Variants in HMCN2 observed in about 807,000 individuals in gnomAD.
HMCN2 encodes hemicentin 2.
A neutral mutation model predicts 377.5 loss-of-function variants in HMCN2; 325 were observed. The ratio of observed to expected loss-of-function variants is 0.86; its 90% CI spans 0.79 to 0.94. HMCN2 has a LOEUF of 0.94. Ranked by LOEUF, HMCN2 falls within the 40% of genes least tolerant of loss-of-function variation. The probability of loss-of-function intolerance (pLI) is 0.00; values close to 1 mark genes in which losing one functional copy is unlikely to be tolerated. For synonymous variants in HMCN2, 2,007 were observed against 2,046.8 expected (o/e 0.98, Z 0.53); for missense variants, 4,543 against 4,725.3 (o/e 0.96, Z 1.13).
At chr9:130,430,165 A>G in intron 94 of HMCN2, 119 bp from the exon 95 acceptor site, 5 of 834,526 alleles carry the variant, frequency 6.0e-6, no homozygotes, top group Non-Finnish European at 9.2e-6. Flanking sequence ...CACATGCAGC[A>G]TGGGAGTGGC....
At chr9:130,317,018 T>C (rs1275122990) in intron 15 of HMCN2, among the ~76,000 whole-genome samples, 11 of 151,510 alleles carry the variant, frequency 7.3e-5, no homozygotes, top group Admixed American at 1.3e-4. Context: ...ACCCATGGAG[T>C]CACAGTTGTC....
chr9:130,416,100 A>ATTTTTTTTT (rs34382467), intron 85 of HMCN2, among the ~76,000 whole-genome samples: 3 of 130,738 alleles, frequency 2.3e-5, no homozygotes, highest in Non-Finnish European at 3.2e-5. Flanking sequence ...TAGAGGCTTT[A>ATTTTTTTTT]TTTTTTTTTT....
intron 86 of HMCN2, among the ~76,000 whole-genome samples, chr9:130,421,935 C>T (rs1355374994): frequency 6.6e-6 from 1 of 152,220 alleles, no homozygotes. Context: ...GTCTCTCGCC[C>T]CCTGGAATGC....
chr9:130,418,799 A>G lies in HMCN2; in HGVS notation c.12989A>G (p.Gln4330Arg), dbSNP rs1843825752. Residue 4330 changes from glutamine (Q) to arginine (R), a missense_variant, in exon 86 of 98, where the codon CAG becomes CGG. Transcript: ENST00000683500. ...QSAPVFQVEP[Q>R]DMTVRSGDDV... ...GCTCCGGTGTTCCAGGTGGAGCCCC[A>G]GGACATGACAGTGAGATCTGGGGAT... The G allele has an allele frequency of 2.7e-6, 4 of 1,467,988 alleles. No individual in the cohort carries two copies. 90.9% of individuals were successfully genotyped at this position (1,467,988 alleles called of 1,614,324 possible).
rs1265329064 is a variant in HMCN2, at chr9:130,384,534, G to C, written c.8992G>C (p.Gly2998Arg). ...SLGEEVFLLP[G>R]THTLQLGRAR... The stretch of plus-strand genomic sequence containing the variant: ...GGGTGAAGAGGTCTTCCTCCTGCCT[G>C]GTGGGTAAACTGAGGTGTCCGGCCC... Residue 2998 changes from glycine to arginine, a missense_variant and splice_region_variant, in exon 58 of 98, where the codon GGC (glycine) becomes CGC (arginine). By Grantham distance (125) the Gly-to-Arg change is moderately radical (BLOSUM62 -2). Transcript: ENST00000683500. The C allele has an allele frequency of 1.5e-6, 2 of 1,304,256 alleles. No homozygotes were observed. The highest frequency in any genetic ancestry group is 2.0e-6 in the Non-Finnish European group (2 of 988,954). The allele number at this position is 1,304,256 out of a possible 1,614,324, so 80.8% of individuals were successfully genotyped here. A position where few individuals can be genotyped will look rare whatever the true frequency, so the allele number is the denominator to read the frequency against.
intron 85 of HMCN2, among the ~76,000 whole-genome samples, chr9:130,412,882 A>T (rs891006659): frequency 1.3e-5 from 2 of 151,988 alleles, no homozygotes; most frequent in African/African-American, 4.8e-5. Flanking sequence ...ACATTTTCTT[A>T]TACGATTTTT....
chr9:130,364,173 G>A (rs1840563806), intron 40 of HMCN2, among the ~76,000 whole-genome samples: 1 of 152,170 alleles, frequency 6.6e-6, no homozygotes, highest in Non-Finnish European at 1.5e-5. Flanking sequence ...GGCCCCATCA[G>A]GTGGGGATTT....
intron 85 of HMCN2, among the ~76,000 whole-genome samples, chr9:130,416,197 C>T (rs1346575858): frequency 6.6e-6 from 1 of 151,504 alleles, no homozygotes; most frequent in Non-Finnish European, 1.5e-5. Flanking sequence ...CTCCACCTCC[C>T]AGGTTCAAGA....
chr9:130,405,134 C>T (rs996417962), intron 81 of HMCN2, 75 bp downstream of exon 81: 9 of 1,023,044 alleles, frequency 8.8e-6, no homozygotes, highest in Non-Finnish European at 1.1e-5. Context: ...GCGCTGAGCA[C>T]TATGCAGCCT....
At chr9:130,403,386 G>GC in intron 79 of HMCN2, 58 bp downstream of exon 79, 1 of 1,282,074 alleles carries the variant, frequency 7.8e-7, no homozygotes, top group East Asian at 5.6e-5. Flanking sequence ...GTCTGGGCAG[G>GC]GGGGGAGTCC....
At chr9:130,371,201 A>G in intron 46 of HMCN2, 70 bp downstream of exon 46, 1 of 881,846 alleles carries the variant, frequency 1.1e-6, no homozygotes. Flanking sequence ...TATCCATTAC[A>G]TGCCCATGAC....
intron 25 of HMCN2, among the ~76,000 whole-genome samples, chr9:130,346,942 ACCCTAGGAGGCTGTATGGATGGG>A (rs1341935575): frequency 6.6e-6 from 1 of 151,360 alleles, no homozygotes; most frequent in Admixed American, 6.6e-5. Flanking sequence ...TCCCTCAGGG[ACCCTAGGAGGCTGTATGGATGGG>A]CAGTGTGGGT....
intron 22 of HMCN2, among the ~76,000 whole-genome samples, chr9:130,334,549 GTTTTTT>G (rs1192246439): frequency 1.2e-4 from 12 of 99,076 alleles, no homozygotes; most frequent in African/African-American, 4.2e-4. Flanking sequence ...ACTTTTGGAA[GTTTTTT>G]TTTTTTTTTT....
rs183979939 is a variant in HMCN2, at chr9:130,383,993, C to T, written c.8831-380C>T. On this transcript the variant is annotated intron_variant, in intron 57 of 97. Transcript: ENST00000683500. The stretch of plus-strand genomic sequence containing the variant: ...TGGGATTGGGGGGGTCTCACTGTCC[C>T]GGAGCCTGCACTCCTAACCTCTGCA... 2.4e-3 allele frequency among the ~76,000 whole-genome samples: 365 copies of T among 152,218 alleles called. 2 individuals carry two copies. Among genetic ancestry groups the T allele is most frequent in the Non-Finnish European group, 3.5e-3 (240 of 68,028 alleles).
At chr9:130,336,936 G>T (rs930798346) in intron 22 of HMCN2, among the ~76,000 whole-genome samples, 1 of 152,098 alleles carries the variant, frequency 6.6e-6, no homozygotes, top group African/African-American at 2.4e-5. Context: ...TTGAAGCTCA[G>T]CAGAAAGCAA....
At chr9:130,405,154 G>A in intron 81 of HMCN2, 95 bp downstream of exon 81, 4 of 835,540 alleles carry the variant, frequency 4.8e-6, no homozygotes, top group Non-Finnish European at 4.6e-6. Flanking sequence ...TTTAACCCTG[G>A]GAGCCTGGGG....
At chr9:130,336,696 G>T (rs1197080948) in intron 22 of HMCN2, among the ~76,000 whole-genome samples, 4 of 152,164 alleles carry the variant, frequency 2.6e-5, no homozygotes, top group Non-Finnish European at 4.4e-5. Context: ...AGGATGGAGG[G>T]GGTGGCTGGA....
chr9:130,401,601 G>A (rs1842857209), intron 77 of HMCN2, among the ~76,000 whole-genome samples: 1 of 152,160 alleles, frequency 6.6e-6, no homozygotes, highest in Non-Finnish European at 1.5e-5. Context: ...GGAATTACAG[G>A]TGTGAGCCAC....
chr9:130,432,540 A>T lies in HMCN2; in HGVS notation c.14879A>T (p.Gln4960Leu). ...VDTPCPATYR[Q>L]GPSPGTCFRR... is the part of the protein sequence containing the mutation. ...ACACCCTGTCCTGCCACCTACCGGC[A>T]GGGCCCCAGCCCTGGGTAAGGGCTG... The change falls in exon 97 of 98, where the codon CAG (glutamine) becomes CTG (leucine). Residue 4960 changes from glutamine (Q) to leucine (L), a missense_variant. By Grantham distance (113) the Gln-to-Leu change is moderately radical. This residue lies in a region of HMCN2 where 1,155 missense variants were observed against 1,157.7 expected (regional missense o/e 1.00). Coordinates refer to ENST00000683500, the MANE Select transcript of HMCN2 (RefSeq NM_001291815.2). 3 of 1,550,496 alleles carry T rather than the reference A, an allele frequency of 1.9e-6. No individual in the cohort carries two copies. The highest frequency in any genetic ancestry group is 2.6e-6 in the Non-Finnish European group (3 of 1,146,978).
Sources: gnomAD v4.1 joint callset for allele counts (sites outside exome capture counted in the v4.1 genomes callset) on GRCh38, gnomAD v4.1.1 for gene constraint, gnomAD v4.1.1 regional missense constraint, MANE v1.5 for transcripts, NCBI Gene and HGNC (gene_info 2026-07-23, HGNC 2026-07-21) for gene names.